SORL1: variants seen among roughly 807,000 people sequenced by gnomAD.
SORL1 encodes the protein sortilin related receptor 1.
A neutral mutation model predicts 273.7 loss-of-function variants in SORL1; 127 were observed. The observed-to-expected ratio is 0.46, with a 90% CI of 0.40 to 0.54. SORL1 has a LOEUF of 0.54. Among genes scored for constraint, SORL1 ranks in the 20% least tolerant of loss-of-function variants. The pLI is 0.00. For missense variants in SORL1, 2,494 were observed against 2,846.1 expected, an observed-to-expected ratio of 0.88 and a Z score of 2.81; for synonymous variants, 1,031 against 1,067.4, an observed-to-expected ratio of 0.97 and a Z score of 0.66.
intron 22 of SORL1, 94 bp from the exon 23 acceptor site, chr11:121,570,063 T>C: frequency 1.4e-6 from 1 of 715,014 alleles, no homozygotes; most frequent in Non-Finnish European, 2.4e-6. Context: ...CGATAGTTAC[T>C]AAAGGGAGGG....
intron 38 of SORL1, 127 bp from the exon 39 acceptor site, chr11:121,610,949 G>A: frequency 1.5e-6 from 1 of 660,718 alleles, no homozygotes; most frequent in South Asian, 1.8e-5. Flanking sequence ...GAGGAACACT[G>A]CCAAAGAAAT....
At chr11:121,560,756 A>G (rs1862659901) in intron 21 of SORL1, among the ~76,000 whole-genome samples, 1 of 152,222 alleles carries the variant, frequency 6.6e-6, no homozygotes, top group Non-Finnish European at 1.5e-5. Flanking sequence ...TTACAAATGT[A>G]AGACGATATT....
At chr11:121,482,984 C>T (rs780212061) in intron 3 of SORL1, among the ~76,000 whole-genome samples, 5 of 152,200 alleles carry the variant, frequency 3.3e-5, no homozygotes, top group Non-Finnish European at 5.9e-5. Context: ...TGTGTGCTGC[C>T]CTGAACCATT....
In SORL1 at chr11:121,551,249, T is replaced by C. The variant is rs557940904; in HGVS notation, c.2266+579T>C. Among the ~76,000 whole-genome samples, 4 of 152,316 alleles carry C rather than the reference T, an allele frequency of 2.6e-5. No individual in the cohort carries two copies. In the South Asian group the frequency reaches 8.3e-4, roughly 32 times the overall value. ...GGCTTAAGGTCACACATCTAGTAAG[T>C]GACAAAGTTGAAATTCAGACTCTAA... On this transcript the variant is annotated intron_variant, in intron 16 of 47. Coordinates refer to ENST00000260197, the MANE Select transcript of SORL1 (RefSeq NM_003105.6).
In SORL1 at chr11:121,605,083, T is replaced by C. The variant is rs374930463; in HGVS notation, c.4652-30T>C. On this transcript the variant is annotated intron_variant, in intron 33 of 47. Coordinates refer to ENST00000260197, the MANE Select transcript of SORL1 (RefSeq NM_003105.6). ...ACCACGCCCAGCCAAGATGTAACTT[T>C]GTTTGTCTTTTTCTCCTTTATCTCT... is the stretch of plus-strand genomic sequence containing the variant. 7.6e-6 allele frequency: 12 copies of C among 1,587,830 alleles called. No individual in the cohort carries two copies. The African/African-American group carries it at 8.1e-5, about 11-fold the overall frequency.
At chr11:121,607,369 TA>T (rs1863494786) in intron 37 of SORL1, 79 bp downstream of exon 37, 1 of 777,824 alleles carries the variant, frequency 1.3e-6, no homozygotes, top group Non-Finnish European at 2.2e-6. Context: ...GAGAACTCTC[TA>T]CTCACCTTTG....
chr11:121,514,322 G>A lies in SORL1; in HGVS notation c.1211+1G>A. 6.2e-7 allele frequency: 1 copy of A among 1,612,006 alleles called. No individual in the cohort carries two copies. The highest frequency in any genetic ancestry group is 8.5e-7 in the Non-Finnish European group (1 of 1,179,244). ...GGGCCGGCAGTGACACCTTGGTGAG[G>A]TAAGGAGACTGTGAGTCCTTCTCCT... On this transcript the variant is annotated splice_donor_variant, in intron 8 of 47. Transcript: ENST00000260197. LOFTEE classifies it high-confidence loss of function.
chr11:121,577,487 C>A (rs1327912486), intron 25 of SORL1, 87 bp downstream of exon 25: 1 of 1,370,096 alleles, frequency 7.3e-7, no homozygotes, highest in Non-Finnish European at 9.7e-7. Flanking sequence ...AAAATCTAGG[C>A]TCTGAGAATT....
chr11:121,510,177 G>A (rs980292953), intron 6 of SORL1, among the ~76,000 whole-genome samples: 1 of 152,224 alleles, frequency 6.6e-6, no homozygotes, highest in African/African-American at 2.4e-5. Context: ...GGGACAGTAA[G>A]ATACACTGTT....
chr11:121,589,468 G>A (rs975746060), intron 29 of SORL1, 78 bp downstream of exon 29: 8 of 1,561,594 alleles, frequency 5.1e-6, no homozygotes, highest in Non-Finnish European at 4.4e-6. Context: ...GACACTCACC[G>A]GCAACCCCAC....
chr11:121,619,668 C>A, intron 42 of SORL1, 85 bp from the exon 43 acceptor site: 1 of 1,068,800 alleles, frequency 9.4e-7, no homozygotes, highest in Non-Finnish European at 1.4e-6. Flanking sequence ...TAATTGTTGT[C>A]ATTATTTTGT....
intron 19 of SORL1, among the ~76,000 whole-genome samples, chr11:121,557,911 C>T (rs1321817407): frequency 2.0e-5 from 3 of 152,162 alleles, no homozygotes; most frequent in African/African-American, 7.2e-5. Flanking sequence ...CTTTTCCTCT[C>T]TCGTAGCATT....
At chr11:121,509,484 T>A (rs906942890) in intron 6 of SORL1, among the ~76,000 whole-genome samples, 1 of 152,224 alleles carries the variant, frequency 6.6e-6, no homozygotes, top group African/African-American at 2.4e-5. Flanking sequence ...TTTAATTATT[T>A]ATTTTTTTTC....
chr11:121,569,222 T>C (rs1215103209), intron 22 of SORL1, among the ~76,000 whole-genome samples: 1 of 152,232 alleles, frequency 6.6e-6, no homozygotes, highest in African/African-American at 2.4e-5. Flanking sequence ...GGAGGATGTA[T>C]GTCGCCTCAG....
At chr11:121,629,046 G>A (rs907917991) in intron 47 of SORL1, 1 of 162,240 alleles carries the variant, frequency 6.2e-6, no homozygotes, top group Non-Finnish European at 1.4e-5. Context: ...GGGGACAGCT[G>A]TTAGTCTGGG....
At chr11:121,514,010 C>A in intron 7 of SORL1, 142 bp from the exon 8 acceptor site, 1 of 895,528 alleles carries the variant, frequency 1.1e-6, no homozygotes, top group Non-Finnish European at 1.6e-6. Flanking sequence ...AGCTTCTTTG[C>A]CAAGGTTAGG....
chr11:121,526,288 G>T (rs1289917123), intron 11 of SORL1, among the ~76,000 whole-genome samples: 1 of 151,874 alleles, frequency 6.6e-6, no homozygotes, highest in Non-Finnish European at 1.5e-5. Context: ...AGGCCAATTG[G>T]GTCTATTTCA....
rs768862918 is a variant in SORL1, at chr11:121,522,750, TG to T, written c.1522+48del. 6 of 1,497,984 alleles carry T rather than the reference TG, an allele frequency of 4.0e-6. No individual in the cohort carries two copies. The Admixed American group carries it at 1.0e-4, about 25-fold the overall frequency. The allele number at this position is 1,497,984 out of a possible 1,614,324, so 92.8% of individuals were successfully genotyped here. A position where few individuals can be genotyped will look rare whatever the true frequency, so the allele number is the denominator to read the frequency against. On this transcript the variant is annotated intron_variant, in intron 10 of 47. Coordinates refer to ENST00000260197, the MANE Select transcript of SORL1 (RefSeq NM_003105.6). ...CAAAAGGGGTTCAGCTGTCTGGTGA[TG>T]TGCAGGCCAAATGCAGAGCGATCAC...
At chr11:121,469,784 A>G (rs972136680) in intron 1 of SORL1, among the ~76,000 whole-genome samples, 1 of 152,220 alleles carries the variant, frequency 6.6e-6, no homozygotes, top group Non-Finnish European at 1.5e-5. Flanking sequence ...CTTTTCTACA[A>G]TCTCTTTACA....
Sources: gnomAD v4.1 joint callset for allele counts (sites outside exome capture counted in the v4.1 genomes callset) on GRCh38, gnomAD v4.1.1 for gene constraint, MANE v1.5 for transcripts, NCBI Gene and HGNC (gene_info 2026-07-23, HGNC 2026-07-21) for gene names.